Variants in CERS3 observed in about 807,000 individuals in gnomAD.
CERS3 encodes the protein LAG1 homolog, ceramide synthase 3.
Under a neutral mutation model 50.3 loss-of-function variants are expected in CERS3, and 33 were observed. The ratio of observed to expected loss-of-function variants is 0.66; its 90% CI spans 0.50 to 0.88. CERS3 has a LOEUF of 0.88. CERS3 is among the 40% of genes least tolerant of loss of function. CERS3 has a pLI of 0.00. For synonymous variants in CERS3, 176 were observed against 155.2 expected (o/e 1.13, Z -0.99); for missense variants, 470 against 460.3 (o/e 1.02, Z -0.19).
intron 11 of CERS3, among the ~76,000 whole-genome samples, chr15:100,420,587 C>T (rs1304565866): frequency 1.3e-5 from 2 of 151,866 alleles, no homozygotes; most frequent in African/African-American, 2.4e-5. Flanking sequence ...TTTTATGAGG[C>T]CAGCATCATT....
intron 10 of CERS3, among the ~76,000 whole-genome samples, chr15:100,463,229 G>A (rs539976168): frequency 1.2e-4 from 19 of 152,170 alleles, no homozygotes; most frequent in African/African-American, 4.6e-4. Flanking sequence ...AAGGTCAAGA[G>A]ATCGAGACCA....
At chr15:100,536,492 C>G in intron 1 of CERS3, among the ~76,000 whole-genome samples, 2 of 151,850 alleles carry the variant, frequency 1.3e-5, no homozygotes, top group East Asian at 3.9e-4. Flanking sequence ...ACCATGTTGC[C>G]CAGGCTGGTC....
chr15:100,450,416 C>CAAAAAAAAAAAAAAAAAAAAAAAAAAAAA (rs34873483), intron 11 of CERS3, among the ~76,000 whole-genome samples: 1 of 63,428 alleles, frequency 1.6e-5, no homozygotes, highest in Non-Finnish European at 2.8e-5. Context: ...GACTCTGTCT[C>CAAAAAAAAAAAAAAAAAAAAAAAAAAAAA]AAAAAAAAAA....
intron 2 of CERS3, among the ~76,000 whole-genome samples, chr15:100,512,788 C>T (rs941696608): frequency 6.6e-6 from 1 of 152,066 alleles, no homozygotes; most frequent in Non-Finnish European, 1.5e-5. Flanking sequence ...AAAAAGGCCT[C>T]GGAAGTCCAA....
At chr15:100,474,542 C>T (rs1327642226) in intron 8 of CERS3, among the ~76,000 whole-genome samples, 2 of 151,964 alleles carry the variant, frequency 1.3e-5, no homozygotes, top group Non-Finnish European at 2.9e-5. Context: ...GTAGCTGGGA[C>T]TACAGGCATG....
Position 100,541,639 on chromosome 15 carries a change from C to T in CERS3, c.-355+3012G>A, listed in dbSNP as rs140378113. 7.1e-3 allele frequency among the ~76,000 whole-genome samples: 1,083 copies of T among 152,172 alleles called. 6 individuals are homozygous for T. Among genetic ancestry groups the T allele is most frequent in the African/African-American group, 0.024 (1,008 of 41,506 alleles). ...GTTTCTTTGTTGGGTGCTGTTTGAA[C>T]GTGTTCAGTAAGACAGGATGATTTC... On this transcript the variant is annotated intron_variant, in intron 1 of 12. Coordinates refer to the CERS3 transcript ENST00000284382.
At chr15:100,471,774 C>T (rs2034976948) in intron 9 of CERS3, among the ~76,000 whole-genome samples, 1 of 152,086 alleles carries the variant, frequency 6.6e-6, no homozygotes, top group South Asian at 2.1e-4. Context: ...TGATTACATA[C>T]AGGGTAGAAA....
chr15:100,484,761 G>T, intron 4 of CERS3, 93 bp from the exon 5 acceptor site: 1 of 895,786 alleles, frequency 1.1e-6, no homozygotes, highest in African/African-American at 1.6e-5. Context: ...AAGAGCTTCG[G>T]TACTGGGGAT....
intron 10 of CERS3, among the ~76,000 whole-genome samples, chr15:100,459,897 C>G (rs905194209): frequency 2.6e-5 from 4 of 151,950 alleles, no homozygotes; most frequent in African/African-American, 9.7e-5. Flanking sequence ...GGTTATTTTA[C>G]TCGGCTACTT....
upstream of CERS3, among the ~76,000 whole-genome samples, chr15:100,530,428 T>C (rs1217577361): frequency 6.6e-6 from 1 of 152,252 alleles, no homozygotes; most frequent in Non-Finnish European, 1.5e-5. Context: ...GGGCAGCTTC[T>C]GGGCCCTTGC....
At chr15:100,499,739 G>C (rs1596768302) in intron 3 of CERS3, among the ~76,000 whole-genome samples, 1 of 152,172 alleles carries the variant, frequency 6.6e-6, no homozygotes, top group African/African-American at 2.4e-5. Context: ...ACATTTTTAT[G>C]TTTGCTGTTA....
At position 100,412,882 on chromosome 15, in the gene CERS3, G is replaced by A. The variant is rs541891317; in HGVS notation, c.1000-10017C>T. ...TAAGTTTTCATGTTAGACAGACTCC[G>A]GAGAGTATCTGGTCTGACATTCATT... On this transcript the variant is annotated intron_variant, in intron 11 of 11. Coordinates refer to ENST00000679737, the MANE Select transcript of CERS3 (RefSeq NM_001378789.1). 1.3e-4 allele frequency among the ~76,000 whole-genome samples: 20 copies of A among 152,236 alleles called. No homozygotes were observed. In the South Asian group the frequency reaches 1.7e-3, roughly 13 times the overall value.
intron 10 of CERS3, among the ~76,000 whole-genome samples, chr15:100,465,609 G>A (rs11247205): frequency 0.5 from 76,377 of 151,712 alleles, 19,785 homozygotes; most frequent in Middle Eastern, 0.57. Context: ...ATCAGTCAAC[G>A]TCAATACAGA....
At chr15:100,442,404 T>G (rs1464317235) in intron 11 of CERS3, among the ~76,000 whole-genome samples, 6 of 152,116 alleles carry the variant, frequency 3.9e-5, no homozygotes, top group African/African-American at 7.2e-5. Context: ...AATAATAGAA[T>G]AGAGGCAGCC....
chr15:100,472,042 G>C (rs2142243921), intron 9 of CERS3, among the ~76,000 whole-genome samples: 1 of 152,342 alleles, frequency 6.6e-6, no homozygotes, highest in Admixed American at 6.5e-5. Flanking sequence ...CCTTTGCCAA[G>C]AAGTTTGCTA....
chr15:100,466,440 A>T (rs1252950854), intron 10 of CERS3, among the ~76,000 whole-genome samples: 1 of 152,194 alleles, frequency 6.6e-6, no homozygotes, highest in Non-Finnish European at 1.5e-5. Context: ...CCATCAAGAA[A>T]TGGAGTCTAG....
At chr15:100,439,691 C>T (rs979815715) in intron 11 of CERS3, among the ~76,000 whole-genome samples, 1 of 152,198 alleles carries the variant, frequency 6.6e-6, no homozygotes, top group Non-Finnish European at 1.5e-5. Flanking sequence ...TGCAACTATG[C>T]CTTCAAATAG....
intron 11 of CERS3, among the ~76,000 whole-genome samples, chr15:100,413,316 T>C (rs1022536462): frequency 1.3e-5 from 2 of 152,122 alleles, no homozygotes; most frequent in Non-Finnish European, 2.9e-5. Context: ...GGAATAATCA[T>C]AGCAAGACAG....
chr15:100,543,934 C>T (rs576565841), intron 1 of CERS3, among the ~76,000 whole-genome samples: 1 of 152,240 alleles, frequency 6.6e-6, no homozygotes, highest in African/African-American at 2.4e-5. Flanking sequence ...CTTTAGTGTT[C>T]GTTTAGTCAT....
Sources: gnomAD v4.1 joint callset for allele counts (sites outside exome capture counted in the v4.1 genomes callset) on GRCh38, gnomAD v4.1.1 for gene constraint, MANE v1.5 for transcripts, NCBI Gene and HGNC (gene_info 2026-07-23, HGNC 2026-07-21) for gene names.